PAX5: variants seen among roughly 807,000 people sequenced by gnomAD.
PAX5 encodes the protein paired box 5.
A neutral mutation model predicts 43.7 loss-of-function variants in PAX5; 9 were observed. That is an observed-to-expected ratio of 0.21 (90% CI 0.12 to 0.36). The LOEUF is 0.36. Ranked by LOEUF, PAX5 falls within the 10% of genes least tolerant of loss-of-function variation. The pLI, the probability that PAX5 is intolerant of heterozygous loss-of-function variation, is 1.00. For synonymous variants in PAX5, 228 were observed against 214.3 expected (o/e 1.06, Z -0.56); for missense variants, 383 against 532.7 (o/e 0.72, Z 2.77).
chr9:36,907,145 T>C (rs1184337077), intron 7 of PAX5, among the ~76,000 whole-genome samples: 1 of 152,224 alleles, frequency 6.6e-6, no homozygotes, highest in Non-Finnish European at 1.5e-5. Context: ...TTACAAGCTG[T>C]GTGAACTCAC....
At chr9:36,865,030 T>A (rs1257592057) in intron 8 of PAX5, among the ~76,000 whole-genome samples, 3 of 152,230 alleles carry the variant, frequency 2.0e-5, no homozygotes, top group African/African-American at 7.2e-5. Context: ...TTGACTGATC[T>A]AGCTGCGTTA....
At position 36,839,757 on chromosome 9, in the gene PAX5, C is replaced by T. The variant is rs1821896343; in HGVS notation, c.*803G>A. ...CAATACCTCGGATGACATTCTGCTT[C>T]GGAAAAGTAGCTGAGGAATCTCCCA... On this transcript the variant is annotated 3_prime_UTR_variant, in exon 10 of 10. Coordinates refer to ENST00000358127, the MANE Select transcript of PAX5 (RefSeq NM_016734.3). 4.3e-6 allele frequency: 1 copy of T among 233,400 alleles called. No individual in the cohort carries two copies. The highest frequency in any genetic ancestry group is 8.5e-6 in the Non-Finnish European group (1 of 118,132). 14.5% of individuals were successfully genotyped at this position (233,400 alleles called of 1,614,324 possible). A position where few individuals can be genotyped will look rare whatever the true frequency, so the allele number is the denominator to read the frequency against.
intron 4 of PAX5, 100 bp from the exon 5 acceptor site, chr9:37,002,876 C>T: frequency 7.1e-7 from 1 of 1,414,794 alleles, no homozygotes; most frequent in Non-Finnish European, 9.5e-7. Flanking sequence ...AGGGAGCGAG[C>T]GCAGGGTGGG....
rs111234296 is a variant in PAX5 at position 37,034,245 on chromosome 9, G to T, written c.-214C>A. The T allele has an allele frequency of 2.9e-5, 16 of 560,562 alleles. No homozygotes were observed. The highest frequency in any genetic ancestry group is 9.3e-5 in the Admixed American group (3 of 32,198). The allele number at this position is 560,562 out of a possible 1,614,324, so 34.7% of individuals were successfully genotyped here. ...TTAGGTGGAAAAAAAGCGTCCGAAG[G>T]CACCGTGAAATGATTAAGGAACTAA... On this transcript the variant is annotated 5_prime_UTR_variant, in exon 1 of 10. Coordinates refer to ENST00000358127, the MANE Select transcript of PAX5 (RefSeq NM_016734.3).
At chr9:36,922,385 C>A (rs771326207) in intron 7 of PAX5, among the ~76,000 whole-genome samples, 2 of 152,230 alleles carry the variant, frequency 1.3e-5, no homozygotes, top group South Asian at 4.1e-4. Flanking sequence ...GGCCCGCCAG[C>A]CCCTTGTCTA....
chr9:37,012,665 A>T (rs913216467), intron 3 of PAX5, among the ~76,000 whole-genome samples: 1 of 152,218 alleles, frequency 6.6e-6, no homozygotes, highest in African/African-American at 2.4e-5. Flanking sequence ...TATTTGCCTC[A>T]TACATTTCTT....
chr9:36,940,904 C>T (rs1459752711), intron 6 of PAX5, among the ~76,000 whole-genome samples: 1 of 152,074 alleles, frequency 6.6e-6, no homozygotes, highest in East Asian at 1.9e-4. Flanking sequence ...GAGAAGATTA[C>T]GGGTCCAGGT....
chr9:36,880,648 T>G (rs1826331711), intron 8 of PAX5, among the ~76,000 whole-genome samples: 1 of 152,250 alleles, frequency 6.6e-6, no homozygotes, highest in South Asian at 2.1e-4. Flanking sequence ...CTGTAACCTC[T>G]GCTTTCTGGG....
intron 7 of PAX5, among the ~76,000 whole-genome samples, chr9:36,907,814 C>T (rs1421200240): frequency 6.6e-6 from 1 of 152,186 alleles, no homozygotes; most frequent in Non-Finnish European, 1.5e-5. Flanking sequence ...TACCAAATCG[C>T]CAACTCTGAT....
intron 6 of PAX5, among the ~76,000 whole-genome samples, chr9:36,947,072 A>T (rs546424116): frequency 6.6e-6 from 1 of 152,360 alleles, no homozygotes; most frequent in East Asian, 1.9e-4. Flanking sequence ...CTATAATTTG[A>T]CATCCAGATT....
intron 1 of PAX5, among the ~76,000 whole-genome samples, chr9:37,024,287 C>T (rs1840110509): frequency 6.6e-6 from 1 of 152,100 alleles, no homozygotes; most frequent in Non-Finnish European, 1.5e-5. Context: ...GGGACTCCTC[C>T]AAACTCAGAA....
intron 1 of PAX5, among the ~76,000 whole-genome samples, chr9:37,028,332 A>G (rs914021446): frequency 1.3e-5 from 2 of 152,096 alleles, no homozygotes; most frequent in Non-Finnish European, 2.9e-5. Context: ...TTATTTCCTA[A>G]TTTTATCAAG....
At position 36,870,931 on chromosome 9, in the gene PAX5, C is replaced by T. The variant is rs563178918; in HGVS notation, c.1012+11073G>A. The stretch of plus-strand genomic sequence containing the variant: ...GCCCTGGACACTCCTGCATAGGGTG[C>T]CCTCAGGGCAGGGGCTGCCTGGCCC... On this transcript the variant is annotated intron_variant, in intron 8 of 9. Coordinates refer to ENST00000358127, the MANE Select transcript of PAX5 (RefSeq NM_016734.3). Among the ~76,000 whole-genome samples the T allele has an allele frequency of 2.0e-5, 3 of 152,370 alleles. No individual in the cohort carries two copies. In the East Asian group the frequency reaches 5.8e-4, roughly 29 times the overall value.
chr9:36,854,525 C>T (rs1164938155), intron 8 of PAX5, among the ~76,000 whole-genome samples: 1 of 152,148 alleles, frequency 6.6e-6, no homozygotes, highest in Non-Finnish European at 1.5e-5. Context: ...TCAGTTTTCT[C>T]ATCTGTAAAA....
At chr9:36,903,730 A>G (rs1356470986) in intron 7 of PAX5, among the ~76,000 whole-genome samples, 1 of 152,232 alleles carries the variant, frequency 6.6e-6, no homozygotes, top group African/African-American at 2.4e-5. Flanking sequence ...CAGGAGGCTG[A>G]CCTAAGGGGA....
intron 7 of PAX5, among the ~76,000 whole-genome samples, chr9:36,889,942 G>GC (rs1554657853): frequency 1.4e-5 from 1 of 69,490 alleles, no homozygotes; most frequent in Non-Finnish European, 2.6e-5. Flanking sequence ...GTACACTAAC[G>GC]GGGGGGGGGG....
intron 5 of PAX5, among the ~76,000 whole-genome samples, chr9:37,000,579 A>G (rs1837759538): frequency 6.6e-6 from 1 of 152,142 alleles, no homozygotes; most frequent in African/African-American, 2.4e-5. Context: ...ATATCAAAAC[A>G]CCGTGTCTAT....
At chr9:36,990,153 T>C (rs1477052497) in intron 5 of PAX5, among the ~76,000 whole-genome samples, 1 of 152,146 alleles carries the variant, frequency 6.6e-6, no homozygotes, top group Non-Finnish European at 1.5e-5. Flanking sequence ...TAAAAGGCAC[T>C]CTTTATTGAG....
intron 7 of PAX5, among the ~76,000 whole-genome samples, chr9:36,884,681 G>A (rs573200496): frequency 6.6e-6 from 1 of 152,308 alleles, no homozygotes; most frequent in South Asian, 2.1e-4. Flanking sequence ...AGCACTGGGG[G>A]GCAGGGGGAA....
Sources: gnomAD v4.1 joint callset for allele counts (sites outside exome capture counted in the v4.1 genomes callset) on GRCh38, gnomAD v4.1.1 for gene constraint, MANE v1.5 for transcripts, NCBI Gene and HGNC (gene_info 2026-07-23, HGNC 2026-07-21) for gene names.